STK26: variants seen among roughly 807,000 people sequenced by gnomAD.
STK26 encodes the protein serine/threonine kinase 26.
In STK26, 14 loss-of-function variants were observed where a neutral mutation model predicts 34.7. The observed-to-expected ratio is 0.40, with a 90% CI of 0.27 to 0.63. STK26 has a LOEUF of 0.63. Ranked by LOEUF, STK26 falls within the 30% of genes least tolerant of loss-of-function variation. STK26 has a pLI of 0.38. For missense variants in STK26, 226 were observed against 309.1 expected (o/e 0.73, Z 2.02); for synonymous variants, 100 against 109.8 (o/e 0.91, Z 0.56).
At chrX:132,053,032 G>A (rs1926738142) in intron 2 of STK26, among the ~76,000 whole-genome samples, 2 of 111,487 alleles carry the variant, frequency 1.8e-5, no homozygotes, top group South Asian at 7.5e-4. Context: ...ACAATGTCTT[G>A]GTAAAAGAGG....
intron 4 of STK26, among the ~76,000 whole-genome samples, chrX:132,063,966 G>A (rs1432706991): frequency 1.8e-5 from 2 of 111,664 alleles, no homozygotes; most frequent in Non-Finnish European, 3.8e-5. Flanking sequence ...ACCTAATTAA[G>A]TCATGAAGGT....
chrX:132,054,043 A>G lies in STK26; in HGVS notation c.43-588A>G, dbSNP rs533720520. On this transcript the variant is annotated intron_variant, in intron 2 of 11. Transcript: ENST00000394334. ...TCATGATTACTAGCAATTATTACAAAGGTATAGAATCTTAGTTCAGCTATT... is the reference window on the plus strand; with the variant it reads ...TCATGATTACTAGCAATTATTACAAGGGTATAGAATCTTAGTTCAGCTATT... Among the ~76,000 whole-genome samples the G allele has an allele frequency of 5.9e-4, 66 of 112,209 alleles. 1 individual carries two copies. In the South Asian group the frequency reaches 7.0e-3, roughly 12 times the overall value.
intron 2 of STK26, among the ~76,000 whole-genome samples, chrX:132,039,622 T>A (rs1187763460): frequency 8.9e-6 from 1 of 111,953 alleles, no homozygotes; most frequent in African/African-American, 3.2e-5. Flanking sequence ...AAATTTTGAA[T>A]TTGATGTAAA....
chrX:132,074,169 T>C lies in STK26; in HGVS notation c.*10T>C, dbSNP rs1195941100. 1 of 1,203,819 alleles carries C rather than the reference T, an allele frequency of 8.3e-7. No homozygotes were observed. Among genetic ancestry groups the C allele is most frequent in the Non-Finnish European group, 1.1e-6 (1 of 890,869 alleles). ...AGACGAATCCCCCTAAGAAACTTAT[T>C]ATTGGCTTCTGTTTCATATGGACCC... is the stretch of plus-strand genomic sequence containing the variant. On this transcript the variant is annotated 3_prime_UTR_variant, in exon 12 of 12. Transcript: ENST00000394334.
rs184641663 is a variant in STK26 at position 132,044,930 on chromosome X, A to G, written c.43-9701A>G. Among the ~76,000 whole-genome samples, 81 of 103,347 alleles carry G rather than the reference A, an allele frequency of 7.8e-4. 1 individual carries two copies. The East Asian group carries it at 0.013, about 16-fold the overall frequency. 89.7% of individuals were successfully genotyped at this position (103,347 alleles called of 115,157 possible). A position where few individuals can be genotyped will look rare whatever the true frequency, so the allele number is the denominator to read the frequency against. ...TATCTATATAGAGAAACATATATAT[A>G]TGTTACTTTCTGAGTACTACTTTAT... On this transcript the variant is annotated intron_variant, in intron 2 of 11. Transcript: ENST00000394334.
chrX:132,037,064 AAT>A (rs1255333420), intron 2 of STK26, among the ~76,000 whole-genome samples: 3 of 112,086 alleles, frequency 2.7e-5, no homozygotes, highest in Non-Finnish European at 5.6e-5. Context: ...TTATGTAAAA[AAT>A]ATGTATTCAG....
intron 2 of STK26, among the ~76,000 whole-genome samples, chrX:132,029,660 G>A (rs6637927): frequency 0.014 from 1,568 of 110,855 alleles, 29 homozygotes; most frequent in East Asian, 0.096. Flanking sequence ...ATCCCAACAA[G>A]AAATCCCTTT....
intron 2 of STK26, among the ~76,000 whole-genome samples, chrX:132,035,788 C>CA (rs201183460): frequency 0.065 from 6,103 of 93,915 alleles, 213 homozygotes; most frequent in South Asian, 0.083. Flanking sequence ...GTCCCCCCCT[C>CA]AAAAAAAAAA....
rs1033144324 is a variant in STK26, at chrX:132,069,611, C to T, written c.731C>T (p.Thr244Ile). The T allele has an allele frequency of 8.6e-7, 1 of 1,164,802 alleles. No individual in the cohort carries two copies. Among genetic ancestry groups the T allele is most frequent in the Non-Finnish European group, 1.1e-6 (1 of 874,020 alleles). ...NNPPTLVGDF[T>I]KSFKEFIDAC... is the part of the protein sequence containing the mutation. ...CCTCCAACTCTTGTTGGAGACTTTACTAAGTCTTTTAAGGAGTTTATTGAT... is the reference window on the plus strand; with the variant it reads ...CCTCCAACTCTTGTTGGAGACTTTATTAAGTCTTTTAAGGAGTTTATTGAT... The change falls in exon 7 of 12, where the codon ACT becomes ATT. Residue 244 changes from threonine (T) to isoleucine (I), a missense_variant. Thr to Ile is a moderately conservative substitution (Grantham distance 89). Around this residue, in one of 2 missense-constraint regions of STK26, gnomAD observed 126 missense variants for 132.4 expected, o/e 0.95. Transcript: ENST00000394334.
chrX:132,054,969 G>A (rs1024538087), intron 3 of STK26, 108 bp downstream of exon 3: 1 of 683,723 alleles, frequency 1.5e-6, no homozygotes, highest in Admixed American at 3.9e-5. Context: ...GCAGTCTATG[G>A]CTTCCAGGCA....
chrX:132,042,903 A>G (rs1016225845), intron 2 of STK26, among the ~76,000 whole-genome samples: 2 of 111,786 alleles, frequency 1.8e-5, no homozygotes, highest in Admixed American at 1.9e-4. Flanking sequence ...CTCTTAATAA[A>G]TACTATTTGA....
At chrX:132,064,244 C>G (rs943041683) in intron 4 of STK26, among the ~76,000 whole-genome samples, 2 of 112,057 alleles carry the variant, frequency 1.8e-5, no homozygotes, top group African/African-American at 6.5e-5. Context: ...GGGTTCTAAA[C>G]AAGGTTGGCC....
At chrX:132,052,847 G>A (rs1329806815) in intron 2 of STK26, among the ~76,000 whole-genome samples, 1 of 111,905 alleles carries the variant, frequency 8.9e-6, no homozygotes, top group Non-Finnish European at 1.9e-5. Flanking sequence ...TTTTATAACT[G>A]TATCAGGAAA....
chrX:132,066,767 T>C (rs1430669912), intron 4 of STK26, among the ~76,000 whole-genome samples: 1 of 112,156 alleles, frequency 8.9e-6, no homozygotes, highest in African/African-American at 3.2e-5. Context: ...TTATGTTACT[T>C]TTACATGTCC....
chrX:132,039,327 C>T (rs905527749), intron 2 of STK26, among the ~76,000 whole-genome samples: 1 of 111,482 alleles, frequency 9.0e-6, no homozygotes, highest in Non-Finnish European at 1.9e-5. Context: ...CCAAGTGGTT[C>T]CAGAGCTTGA....
intron 2 of STK26, among the ~76,000 whole-genome samples, chrX:132,035,882 C>A (rs1278414987): frequency 9.3e-6 from 1 of 107,333 alleles, no homozygotes; most frequent in Non-Finnish European, 1.9e-5. Context: ...CACACTCATT[C>A]ACAGTCCTGA....
chrX:132,035,893 C>T (rs945330732), intron 2 of STK26, among the ~76,000 whole-genome samples: 3 of 104,639 alleles, frequency 2.9e-5, no homozygotes, highest in Non-Finnish European at 5.8e-5. Context: ...ACAGTCCTGA[C>T]GTTTCAAAGC....
chrX:132,046,523 A>G lies in STK26; in HGVS notation c.43-8108A>G, dbSNP rs181500891. On this transcript the variant is annotated intron_variant, in intron 2 of 11. Transcript: ENST00000394334. ...TTTAAAAATAAGAATAATAAAATAA[A>G]GAGAAGATGAAAAAGTACCTATACA... Among the ~76,000 whole-genome samples, 667 of 112,258 alleles carry G rather than the reference A, an allele frequency of 5.9e-3. 4 individuals carry two copies. Among genetic ancestry groups the G allele is most frequent in the African/African-American group, 0.02 (630 of 30,993 alleles).
In STK26 at chrX:132,023,402, A is replaced by G. The variant is rs758599404; in HGVS notation, c.-116A>G. On this transcript the variant is annotated 5_prime_UTR_variant, in exon 1 of 12. Coordinates refer to ENST00000394334, the MANE Select transcript of STK26 (RefSeq NM_016542.4). ...GCTGCTTCAGCGGCGGGCGGGCGCC[A>G]GAAAGGTAGACTGAGTCCCAGGGAG... 1.7e-5 allele frequency: 9 copies of G among 541,890 alleles called. No homozygotes were observed. Among genetic ancestry groups the G allele is most frequent in the South Asian group, 2.3e-5 (1 of 42,628 alleles). The allele number at this position is 541,890 out of a possible 1,213,427, so 44.7% of individuals were successfully genotyped here.
Sources: gnomAD v4.1 joint callset for allele counts (sites outside exome capture counted in the v4.1 genomes callset) on GRCh38, gnomAD v4.1.1 for gene constraint, gnomAD v4.1.1 regional missense constraint, MANE v1.5 for transcripts, NCBI Gene and HGNC (gene_info 2026-07-23, HGNC 2026-07-21) for gene names.